TUBA1A: variants seen among roughly 807,000 people sequenced by gnomAD.
The protein encoded by TUBA1A is tubulin alpha 1a.
Under a neutral mutation model 34.6 loss-of-function variants are expected in TUBA1A, and 7 were observed. The observed-to-expected ratio is 0.20, with a 90% CI of 0.11 to 0.38. TUBA1A has a LOEUF of 0.38. Ranked by LOEUF, TUBA1A falls within the 10% of genes least tolerant of loss-of-function variation. TUBA1A has a pLI of 1.00. For missense variants in TUBA1A, 19 were observed against 581.3 expected, an observed-to-expected ratio of 0.03 and a Z score of 9.95; for synonymous variants, 193 against 210.2, an observed-to-expected ratio of 0.92 and a Z score of 0.71.
chr12:49,188,262 G>A lies in TUBA1A; in HGVS notation c.3+715C>T, dbSNP rs1267235109. 3.1e-6 allele frequency: 3 copies of A among 982,686 alleles called. No homozygotes were observed. The highest frequency in any genetic ancestry group is 3.6e-6 in the Non-Finnish European group (3 of 827,620). The allele number at this position is 982,686 out of a possible 1,614,324, so 60.9% of individuals were successfully genotyped here. A position where few individuals can be genotyped will look rare whatever the true frequency, so the allele number is the denominator to read the frequency against. ...GCCTACAGTTCCGCAATGATGAAAG[G>A]TTTTTTTGTTTTTTTTTCAGTCAGC... On this transcript the variant is annotated intron_variant, in intron 1 of 3. Transcript: ENST00000301071. This position sits in a 1 kb window ranked among gnomAD's most constrained non-coding sequence, Gnocchi z 4.9.
In TUBA1A at chr12:49,188,522, C is replaced by T. The variant is rs1409966516; in HGVS notation, c.3+455G>A. ...CGCTTTGTTCCCGTTCCCCCTCCCA[C>T]GTCCCCCAGCTCGCCCAACGCCCCC... On this transcript the variant is annotated intron_variant, in intron 1 of 3. Coordinates refer to ENST00000301071, the MANE Select transcript of TUBA1A (RefSeq NM_006009.4). The surrounding 1 kb of genome is among the most constrained non-coding windows in gnomAD (Gnocchi z 4.9). 1 of 1,514,324 alleles carries T rather than the reference C, an allele frequency of 6.6e-7. No homozygotes were observed. The highest frequency in any genetic ancestry group is 8.8e-7 in the Non-Finnish European group (1 of 1,132,142). 93.8% of individuals were successfully genotyped at this position (1,514,324 alleles called of 1,614,324 possible).
rs1199811271 is a variant in TUBA1A at position 49,189,068 on chromosome 12, T to G, written c.-89A>C. The stretch of plus-strand genomic sequence containing the variant: ...CAGCGCGACTCTTAGGCGGTCGATG[T>G]AAGAGAACCTGCGGCACATAGGCGG... On this transcript the variant is annotated 5_prime_UTR_variant, in exon 1 of 4. Transcript: ENST00000301071. 1 of 1,555,768 alleles carries G rather than the reference T, an allele frequency of 6.4e-7. No individual in the cohort carries two copies. Among genetic ancestry groups the G allele is most frequent in the Non-Finnish European group, 8.9e-7 (1 of 1,127,248 alleles).
chr12:49,186,403 T>G lies in TUBA1A; in HGVS notation c.282A>C (p.Thr94=), dbSNP rs1422885671. The G allele has an allele frequency of 2.5e-6, 4 of 1,613,384 alleles. No homozygotes were observed. In the South Asian group the frequency reaches 3.3e-5, roughly 13 times the overall value. The part of the protein sequence containing the change: ...RQLFHPEQLI[T]GKEDAANNYA... ...AGTTATTGGCAGCATCTTCTTTGCC[T>G]GTGATAAGTTGCTCAGGGTGGAAGA... Residue 94 remains threonine (T), a synonymous_variant, in exon 3 of 4, where the codon ACA becomes ACC. Coordinates refer to ENST00000301071, the MANE Select transcript of TUBA1A (RefSeq NM_006009.4). This position sits in a 1 kb window ranked among gnomAD's most constrained non-coding sequence, Gnocchi z 6.6.
At position 49,188,922 on chromosome 12, in the gene TUBA1A, G is replaced by A; in HGVS notation, c.3+55C>T. The stretch of plus-strand genomic sequence containing the variant: ...AGAGCTTAAAGGTTTTCCAAGTAGA[G>A]CCTGGGGGCGCTGACTCCACCCAAC... On this transcript the variant is annotated intron_variant, in intron 1 of 3. Coordinates refer to ENST00000301071, the MANE Select transcript of TUBA1A (RefSeq NM_006009.4). The surrounding 1 kb of genome is among the most constrained non-coding windows in gnomAD (Gnocchi z 4.9). 6.2e-7 allele frequency: 1 copy of A among 1,614,126 alleles called. No individual in the cohort carries two copies. The highest frequency in any genetic ancestry group is 2.2e-5 in the East Asian group (1 of 44,884).
chr12:49,186,578 G>A lies in TUBA1A; in HGVS notation c.226+33C>T. The stretch of plus-strand genomic sequence containing the variant: ...GACAGACCTCCTGTCCCAGCACCCT[G>A]GGATCTCACTTGGGTTACTGAGGTC... On this transcript the variant is annotated intron_variant, in intron 2 of 3. Transcript: ENST00000301071. The surrounding 1 kb of genome is among the most constrained non-coding windows in gnomAD (Gnocchi z 6.6). The A allele has an allele frequency of 6.2e-7, 1 of 1,612,756 alleles. No individual in the cohort carries two copies. The highest frequency in any genetic ancestry group is 8.5e-7 in the Non-Finnish European group (1 of 1,178,890).
In TUBA1A at chr12:49,186,929, T is replaced by C; in HGVS notation, c.4-96A>G. On this transcript the variant is annotated intron_variant, in intron 1 of 3. Coordinates refer to ENST00000301071, the MANE Select transcript of TUBA1A (RefSeq NM_006009.4). This position sits in a 1 kb window ranked among gnomAD's most constrained non-coding sequence, Gnocchi z 6.6. The stretch of plus-strand genomic sequence containing the variant: ...AAAAATATTTCTAATAATATACAGA[T>C]ATTTTTCTAAATTATTTGAGGTCAT... 1 of 1,540,134 alleles carries C rather than the reference T, an allele frequency of 6.5e-7. No individual in the cohort carries two copies. Among genetic ancestry groups the C allele is most frequent in the Non-Finnish European group, 8.7e-7 (1 of 1,146,792 alleles).
rs1394541662 is a variant in TUBA1A, at chr12:49,186,049, A to G, written c.376-59T>C. On this transcript the variant is annotated intron_variant, in intron 3 of 3. Transcript: ENST00000301071. This position sits in a 1 kb window ranked among gnomAD's most constrained non-coding sequence, Gnocchi z 6.6. The stretch of plus-strand genomic sequence containing the variant: ...AGTTTTTATTCTTTGTAGTACAATC[A>G]TAGTAAATATATTTTCACTTTTCAT... The G allele has an allele frequency of 6.2e-7, 1 of 1,600,474 alleles. No homozygotes were observed. Among genetic ancestry groups the G allele is most frequent in the Non-Finnish European group, 8.5e-7 (1 of 1,174,130 alleles).
chr12:49,187,446 A>G (rs1942194612), intron 1 of TUBA1A: 36 of 988,118 alleles, frequency 3.6e-5, no homozygotes, highest in Non-Finnish European at 4.1e-5. Flanking sequence ...AGCTGCCTAC[A>G]TGATCTCATT....
chr12:49,187,105 T>A, intron 1 of TUBA1A: 2 of 1,334,398 alleles, frequency 1.5e-6, no homozygotes, highest in Non-Finnish European at 1.9e-6. Context: ...AGATTTTTCA[T>A]ATTTAAAAAG....
Position 49,188,757 on chromosome 12 carries a change from G to C in TUBA1A, c.3+220C>G. On this transcript the variant is annotated intron_variant, in intron 1 of 3. Transcript: ENST00000301071. This position sits in a 1 kb window ranked among gnomAD's most constrained non-coding sequence, Gnocchi z 4.9. ...TAGGCGCCGCCTTTGTTCCTCCCCA[G>C]CGCTCTGCTGCGCCCTGGGCGCAGT... 6.7e-7 allele frequency: 1 copy of C among 1,501,168 alleles called. No individual in the cohort carries two copies. The highest frequency in any genetic ancestry group is 8.8e-7 in the Non-Finnish European group (1 of 1,136,892). 93.0% of individuals were successfully genotyped at this position (1,501,168 alleles called of 1,614,324 possible).
rs1018246855 is a variant in TUBA1A, at chr12:49,188,395, G to A, written c.3+582C>T. On this transcript the variant is annotated intron_variant, in intron 1 of 3. Transcript: ENST00000301071. The surrounding 1 kb of genome is among the most constrained non-coding windows in gnomAD (Gnocchi z 4.9). Reference sequence around the variant, plus strand: ...CTGCGCCGCCCTGACACCCGCTGCCGGGGGCTCCGGCAGAAACTCACCATG... The same window carrying A: ...CTGCGCCGCCCTGACACCCGCTGCCAGGGGCTCCGGCAGAAACTCACCATG... 4 of 1,534,850 alleles carry A rather than the reference G, an allele frequency of 2.6e-6. No individual in the cohort carries two copies. The highest frequency in any genetic ancestry group is 3.9e-5 in the Admixed American group (2 of 50,924).
intron 1 of TUBA1A, chr12:49,187,946 C>T (rs1942201324): frequency 1.0e-6 from 1 of 984,282 alleles, no homozygotes; most frequent in African/African-American, 1.8e-5. Context: ...TTCCCTGGGT[C>T]CTGACCATCA....
chr12:49,185,443 C>T lies in TUBA1A; in HGVS notation c.923G>A (p.Arg308His). ...GCAGCAAGCCATGTATTTACCATGG[C>T]GAGGGTCACATTTCACCATCTGGTT... Reference protein sequence around the residue: ...PANQMVKCDPRHGKYMACCLL... With the variant: ...PANQMVKCDPHHGKYMACCLL... The change falls in exon 4 of 4, where the codon CGC (arginine) becomes CAC (histidine). Residue 308 changes from arginine to histidine, a missense_variant. By Grantham distance (29) the Arg-to-His change is conservative. Around this residue, in one of 2 missense-constraint regions of TUBA1A, gnomAD observed 14 missense variants for 565.0 expected, o/e 0.02. Transcript: ENST00000301071. The T allele has an allele frequency of 6.2e-7, 1 of 1,613,850 alleles. No individual in the cohort carries two copies. Among genetic ancestry groups the T allele is most frequent in the Non-Finnish European group, 8.5e-7 (1 of 1,179,916 alleles).
chr12:49,188,165 A>G lies in TUBA1A; in HGVS notation c.3+812T>C. The G allele has an allele frequency of 1.0e-6, 1 of 984,984 alleles. No homozygotes were observed. Among genetic ancestry groups the G allele is most frequent in the Non-Finnish European group, 1.2e-6 (1 of 829,892 alleles). The allele number at this position is 984,984 out of a possible 1,614,324, so 61.0% of individuals were successfully genotyped here. A position where few individuals can be genotyped will look rare whatever the true frequency, so the allele number is the denominator to read the frequency against. On this transcript the variant is annotated intron_variant, in intron 1 of 3. Coordinates refer to ENST00000301071, the MANE Select transcript of TUBA1A (RefSeq NM_006009.4). This position sits in a 1 kb window ranked among gnomAD's most constrained non-coding sequence, Gnocchi z 4.9. ...CAGACCAGACATTAAAGAGCTTGTG[A>G]AGTGAATTATGATTTTGCTCAAGAA...
chr12:49,187,311 T>A, intron 1 of TUBA1A: 10 of 1,063,544 alleles, frequency 9.4e-6, no homozygotes, highest in Non-Finnish European at 1.1e-5. Flanking sequence ...GTCTGCAGAA[T>A]CCATCAATAC....
chr12:49,187,721 T>C (rs1942198074), intron 1 of TUBA1A: 2 of 850,932 alleles, frequency 2.4e-6, no homozygotes, highest in East Asian at 2.2e-4. Context: ...CATGAAAAGG[T>C]ACCAAAGAAT....
Position 49,186,159 on chromosome 12 carries a change from C to T in TUBA1A, c.375+151G>A. On this transcript the variant is annotated intron_variant, in intron 3 of 3. Coordinates refer to ENST00000301071, the MANE Select transcript of TUBA1A (RefSeq NM_006009.4). This position sits in a 1 kb window ranked among gnomAD's most constrained non-coding sequence, Gnocchi z 6.6. ...ATTTACAAAATGACATCAAATAGTT[C>T]ATTTTAACTGAATTTTAAAAACCCC... The T allele has an allele frequency of 6.5e-7, 1 of 1,545,562 alleles. No homozygotes were observed. The highest frequency in any genetic ancestry group is 1.4e-5 in the African/African-American group (1 of 72,270).
chr12:49,187,081 C>T lies in TUBA1A; in HGVS notation c.4-248G>A, dbSNP rs962871818. On this transcript the variant is annotated intron_variant, in intron 1 of 3. Coordinates refer to ENST00000301071, the MANE Select transcript of TUBA1A (RefSeq NM_006009.4). ...GGTACCAGCCCATTGTGCCTACTAC[C>T]ATGCTTGAATAGAAGATTTTTCATA... The T allele has an allele frequency of 8.6e-5, 119 of 1,385,186 alleles. No homozygotes were observed. In the African/African-American group the frequency reaches 1.6e-3, roughly 18 times the overall value. 85.8% of individuals were successfully genotyped at this position (1,385,186 alleles called of 1,614,324 possible). A position where few individuals can be genotyped will look rare whatever the true frequency, so the allele number is the denominator to read the frequency against.
chr12:49,188,684 G>C lies in TUBA1A; in HGVS notation c.3+293C>G, dbSNP rs917663186. 71 of 1,437,746 alleles carry C rather than the reference G, an allele frequency of 4.9e-5. No homozygotes were observed. Among genetic ancestry groups the C allele is most frequent in the Non-Finnish European group, 6.1e-5 (67 of 1,103,034 alleles). The allele number at this position is 1,437,746 out of a possible 1,614,324, so 89.1% of individuals were successfully genotyped here. A position where few individuals can be genotyped will look rare whatever the true frequency, so the allele number is the denominator to read the frequency against. ...CGCCCCAGACCCCTCGGTCGCGGCA[G>C]ACGGGCTGCCCGCGGCCCCCGAAAG... On this transcript the variant is annotated intron_variant, in intron 1 of 3. Transcript: ENST00000301071. This position sits in a 1 kb window ranked among gnomAD's most constrained non-coding sequence, Gnocchi z 4.9.
Sources: allele counts gnomAD v4.1 joint callset, GRCh38; gene constraint gnomAD v4.1.1; regional missense constraint gnomAD v4.1.1; non-coding constraint Gnocchi (gnomAD v3.1); transcripts MANE v1.5; gene names NCBI Gene and HGNC (gene_info 2026-07-23, HGNC 2026-07-21).